Variants in BRIP1 observed in about 807,000 individuals in gnomAD.
BRIP1 encodes the protein BRCA1 interacting DNA helicase 1.
Under a neutral mutation model 119.7 loss-of-function variants are expected in BRIP1, and 88 were observed. That is an observed-to-expected ratio of 0.74 (90% CI 0.62 to 0.88). BRIP1 has a LOEUF of 0.88. Ranked by LOEUF, BRIP1 falls within the 40% of genes least tolerant of loss-of-function variation. The pLI, the probability that BRIP1 is intolerant of heterozygous loss-of-function variation, is 0.00. For missense variants in BRIP1, 1,259 were observed against 1,455.4 expected (o/e 0.87, Z 2.20); for synonymous variants, 443 against 496.5 (o/e 0.89, Z 1.43).
At chr17:61,787,779 G>A (rs909454131) in intron 10 of BRIP1, among the ~76,000 whole-genome samples, 4 of 152,090 alleles carry the variant, frequency 2.6e-5, no homozygotes, top group Non-Finnish European at 5.9e-5. Context: ...TGAGTAGCGG[G>A]GACTACAGGC....
chr17:61,788,199 C>T (rs1362078921), intron 10 of BRIP1, among the ~76,000 whole-genome samples: 2 of 151,762 alleles, frequency 1.3e-5, no homozygotes, highest in Non-Finnish European at 2.9e-5. Context: ...ATAGCAATAA[C>T]AATTAAAAAT....
In BRIP1 at chr17:61,796,560, A is replaced by G. The variant is rs1043444421; in HGVS notation, c.1340+2540T>C. ...TGGCACCTGTGTCAAAAATGAGTTCACTGTAGGTGTGTGGATTTGTTTCTG... is the reference window on the plus strand; with the variant it reads ...TGGCACCTGTGTCAAAAATGAGTTCGCTGTAGGTGTGTGGATTTGTTTCTG... On this transcript the variant is annotated intron_variant, in intron 9 of 19. Coordinates refer to ENST00000259008, the MANE Select transcript of BRIP1 (RefSeq NM_032043.3). This position sits in a 1 kb window ranked among gnomAD's most constrained non-coding sequence, Gnocchi z 4.8. 6.6e-6 allele frequency among the ~76,000 whole-genome samples: 1 copy of G among 151,930 alleles called. No individual in the cohort carries two copies. Among genetic ancestry groups the G allele is most frequent in the African/African-American group, 2.4e-5 (1 of 41,388 alleles).
At position 61,798,802 on chromosome 17, in the gene BRIP1, C is replaced by A. The variant is rs1019539042; in HGVS notation, c.1340+298G>T. ...TTTTAAAATATATTAATTAAAAGCA[C>A]GTTTAGTTTCTGGTTCAATATCCTA... is the stretch of plus-strand genomic sequence containing the variant. On this transcript the variant is annotated intron_variant, in intron 9 of 19. Coordinates refer to ENST00000259008, the MANE Select transcript of BRIP1 (RefSeq NM_032043.3). The surrounding 1 kb of genome is among the most constrained non-coding windows in gnomAD (Gnocchi z 5.5). 1.6e-4 allele frequency among the ~76,000 whole-genome samples: 25 copies of A among 151,912 alleles called. No individual in the cohort carries two copies. The highest frequency in any genetic ancestry group is 3.1e-4 in the Non-Finnish European group (21 of 67,924).
At position 61,810,813 on chromosome 17, in the gene BRIP1, G is replaced by A. The variant is rs1250326002; in HGVS notation, c.628-2056C>T. Among the ~76,000 whole-genome samples the A allele has an allele frequency of 6.6e-6, 1 of 151,862 alleles. No homozygotes were observed. The highest frequency in any genetic ancestry group is 1.5e-5 in the Non-Finnish European group (1 of 67,964). Reference sequence around the variant, plus strand: ...CGAATAATTTAGTGTATAACTTACTGACCTTCATATATACATATCTTTCAT... The same window carrying A: ...CGAATAATTTAGTGTATAACTTACTAACCTTCATATATACATATCTTTCAT... On this transcript the variant is annotated intron_variant, in intron 6 of 19. Coordinates refer to ENST00000259008, the MANE Select transcript of BRIP1 (RefSeq NM_032043.3). The surrounding 1 kb of genome is among the most constrained non-coding windows in gnomAD (Gnocchi z 4.7).
At chr17:61,797,888 C>G (rs1335396936) in intron 9 of BRIP1, among the ~76,000 whole-genome samples, 1 of 151,960 alleles carries the variant, frequency 6.6e-6, no homozygotes, top group Non-Finnish European at 1.5e-5. Context: ...CACTTTTCAC[C>G]TAGCAGGCTA....
At position 61,834,014 on chromosome 17, in the gene BRIP1, T is replaced by C. The variant is rs755993170; in HGVS notation, c.627+13087A>G. On this transcript the variant is annotated intron_variant, in intron 6 of 19. Transcript: ENST00000259008. The surrounding 1 kb of genome is among the most constrained non-coding windows in gnomAD (Gnocchi z 4.4). Reference sequence around the variant, plus strand: ...TATAACGCAAAAGTTCCACAGACAATATGTATAAACAAATGTAAAATGCGT... The same window carrying C: ...TATAACGCAAAAGTTCCACAGACAACATGTATAAACAAATGTAAAATGCGT... 3.2e-4 allele frequency among the ~76,000 whole-genome samples: 48 copies of C among 152,206 alleles called. No individual in the cohort carries two copies. Among genetic ancestry groups the C allele is most frequent in the Non-Finnish European group, 5.7e-4 (39 of 67,998 alleles).
rs2144088520 is a variant in BRIP1, at chr17:61,683,956, G to A, written c.3090C>T (p.Ala1030=). Residue 1030 remains alanine, a synonymous_variant, in exon 20 of 20, where the codon GCC becomes GCT. Transcript: ENST00000259008. This position sits in a 1 kb window ranked among gnomAD's most constrained non-coding sequence, Gnocchi z 4.7. ...TPELGSSENS[A]SSPPRFKTEK... is the part of the protein sequence containing the mutation. ...CTGTTTTGAAACGGGGAGGACTAGA[G>A]GCACTATTCTCTGATGACCCGAGCT... The A allele has an allele frequency of 1.9e-6, 3 of 1,614,170 alleles. No individual in the cohort carries two copies. Among genetic ancestry groups the A allele is most frequent in the Non-Finnish European group, 2.5e-6 (3 of 1,180,032 alleles).
At chr17:61,747,430 A>AG (rs1376001543) in intron 14 of BRIP1, among the ~76,000 whole-genome samples, 2 of 152,036 alleles carry the variant, frequency 1.3e-5, no homozygotes, top group Non-Finnish European at 2.9e-5. Context: ...GAAAAAAAAA[A>AG]GAGAAAATCA....
In BRIP1 at chr17:61,699,512, T is replaced by C. The variant is rs954804847; in HGVS notation, c.2493-6000A>G. Among the ~76,000 whole-genome samples, 7 of 152,192 alleles carry C rather than the reference T, an allele frequency of 4.6e-5. No homozygotes were observed. Among genetic ancestry groups the C allele is most frequent in the African/African-American group, 7.2e-5 (3 of 41,452 alleles). ...ACCAGTAATAAACTAGTCAGGAAAATTGCCAACTTAATTTCAATAGTACAA... is the reference window on the plus strand; with the variant it reads ...ACCAGTAATAAACTAGTCAGGAAAACTGCCAACTTAATTTCAATAGTACAA... On this transcript the variant is annotated intron_variant, in intron 17 of 19. Transcript: ENST00000259008. The surrounding 1 kb of genome is among the most constrained non-coding windows in gnomAD (Gnocchi z 4.8).
intron 14 of BRIP1, among the ~76,000 whole-genome samples, chr17:61,750,569 TG>T (rs1428040287): frequency 6.6e-6 from 1 of 152,066 alleles, no homozygotes; most frequent in Non-Finnish European, 1.5e-5. Context: ...AAAGTTAAAA[TG>T]ATAGTACACA....
Position 61,709,026 on chromosome 17 carries a change from A to T in BRIP1, c.2492+6925T>A, listed in dbSNP as rs1249064240. Among the ~76,000 whole-genome samples the T allele has an allele frequency of 3.3e-5, 5 of 152,184 alleles. No homozygotes were observed. Among genetic ancestry groups the T allele is most frequent in the Admixed American group, 2.0e-4 (3 of 15,264 alleles). On this transcript the variant is annotated intron_variant, in intron 17 of 19. Coordinates refer to ENST00000259008, the MANE Select transcript of BRIP1 (RefSeq NM_032043.3). This position sits in a 1 kb window ranked among gnomAD's most constrained non-coding sequence, Gnocchi z 5.0. ...AAGAATACAGAGTCTCTGTTGTTCA[A>T]CCTTTCCAGAAGTAAACCTGGGTGA... is the stretch of plus-strand genomic sequence containing the variant.
chr17:61,852,953 T>A lies in BRIP1; in HGVS notation c.380-3697A>T, dbSNP rs2078843602. On this transcript the variant is annotated intron_variant, in intron 4 of 19. Transcript: ENST00000259008. The surrounding 1 kb of genome is among the most constrained non-coding windows in gnomAD (Gnocchi z 4.9). ...TTTAGAAAATGTTGTCAGTATCTAC[T>A]ATAGCTGAACATATGTATATACTAT... is the stretch of plus-strand genomic sequence containing the variant. Among the ~76,000 whole-genome samples, 1 of 152,194 alleles carries A rather than the reference T, an allele frequency of 6.6e-6. No individual in the cohort carries two copies. Among genetic ancestry groups the A allele is most frequent in the African/African-American group, 2.4e-5 (1 of 41,464 alleles).
At chr17:61,737,262 A>G (rs1445020062) in intron 16 of BRIP1, among the ~76,000 whole-genome samples, 2 of 152,180 alleles carry the variant, frequency 1.3e-5, no homozygotes, top group African/African-American at 2.4e-5. Context: ...AAACTCTCCA[A>G]TTGAAAGGCA....
At chr17:61,728,626 CG>C (rs1410704158) in intron 16 of BRIP1, among the ~76,000 whole-genome samples, 18 of 152,146 alleles carry the variant, frequency 1.2e-4, no homozygotes, top group Non-Finnish European at 7.4e-5. Flanking sequence ...GGATGTGTAC[CG>C]CAAAGATGAA....
At position 61,808,611 on chromosome 17, in the gene BRIP1, C is replaced by G. The variant is rs1198536492; in HGVS notation, c.774G>C (p.Gln258His). The change falls in exon 7 of 20, where the codon CAG (glutamine) becomes CAC (histidine). Residue 258 changes from glutamine to histidine, a missense_variant. This residue lies in a region of BRIP1 where 501 missense variants were observed against 544.0 expected (regional missense o/e 0.92). Coordinates refer to ENST00000259008, the MANE Select transcript of BRIP1 (RefSeq NM_032043.3). This position sits in a 1 kb window ranked among gnomAD's most constrained non-coding sequence, Gnocchi z 4.1. ...CCGTCCTCCGGAGCTCTCTAGTAAT[C>G]TGAGCAATCTGCTTGTGTGTGCGTG... Reference protein sequence around the residue: ...FGTRTHKQIAQITRELRRTAY... With the variant: ...FGTRTHKQIAHITRELRRTAY... 1 of 1,613,902 alleles carries G rather than the reference C, an allele frequency of 6.2e-7. No individual in the cohort carries two copies. Among genetic ancestry groups the G allele is most frequent in the Non-Finnish European group, 8.5e-7 (1 of 1,179,962 alleles).
Position 61,717,967 on chromosome 17 carries a change from T to G in BRIP1, c.2380-1904A>C, listed in dbSNP as rs1368646937. On this transcript the variant is annotated intron_variant, in intron 16 of 19. Coordinates refer to ENST00000259008, the MANE Select transcript of BRIP1 (RefSeq NM_032043.3). The surrounding 1 kb of genome is among the most constrained non-coding windows in gnomAD (Gnocchi z 4.1). ...GTATTTTTTGTTTCATATAGAGAGA[T>G]TTCACATAGGTATTTAAAAAATAGC... Among the ~76,000 whole-genome samples the G allele has an allele frequency of 6.6e-6, 1 of 152,184 alleles. No individual in the cohort carries two copies. Among genetic ancestry groups the G allele is most frequent in the Non-Finnish European group, 1.5e-5 (1 of 68,028 alleles).
In BRIP1 at chr17:61,765,379, TTATATATATATATA is replaced by T. The variant is rs1287538931; in HGVS notation, c.2097+11008_2097+11021del. ...ATGTGTGTGTGTGTGTGTGTATATA[TTATATATATATATA>T]TATATATATATATATATATATATAT... On this transcript the variant is annotated intron_variant, in intron 14 of 19. Coordinates refer to ENST00000259008, the MANE Select transcript of BRIP1 (RefSeq NM_032043.3). Among the ~76,000 whole-genome samples, 177 of 37,724 alleles carry T rather than the reference TTATATATATATATA, an allele frequency of 4.7e-3. 2 individuals are homozygous for T. Among genetic ancestry groups the T allele is most frequent in the African/African-American group, 9.0e-3 (82 of 9,072 alleles). The allele number at this position is 37,724 out of a possible 152,430, so 24.7% of individuals were successfully genotyped here.
chr17:61,841,310 C>A lies in BRIP1; in HGVS notation c.627+5791G>T, dbSNP rs1215690077. ...TGGGAGAAAATATTTCCAAACTATT[C>A]ATCTGAGAAGGGACTACTATCCAGA... is the stretch of plus-strand genomic sequence containing the variant. On this transcript the variant is annotated intron_variant, in intron 6 of 19. Transcript: ENST00000259008. The surrounding 1 kb of genome is among the most constrained non-coding windows in gnomAD (Gnocchi z 4.1). Among the ~76,000 whole-genome samples, 1 of 151,186 alleles carries A rather than the reference C, an allele frequency of 6.6e-6. No homozygotes were observed. Among genetic ancestry groups the A allele is most frequent in the Non-Finnish European group, 1.5e-5 (1 of 67,894 alleles).
intron 8 of BRIP1, among the ~76,000 whole-genome samples, chr17:61,800,999 A>C (rs915683446): frequency 6.6e-6 from 1 of 152,192 alleles, no homozygotes; most frequent in African/African-American, 2.4e-5. Context: ...AATATTCATA[A>C]ATGCAAAGAG....
Sources: allele counts gnomAD v4.1 joint callset (sites outside exome capture counted in the v4.1 genomes callset), GRCh38; gene constraint gnomAD v4.1.1; regional missense constraint gnomAD v4.1.1; non-coding constraint Gnocchi (gnomAD v3.1); transcripts MANE v1.5; gene names NCBI Gene and HGNC (gene_info 2026-07-23, HGNC 2026-07-21).